CDK14: variants seen among roughly 807,000 people sequenced by gnomAD.
The protein encoded by CDK14 is cyclin-dependent kinase 14.
In CDK14, 34 loss-of-function variants were observed where a neutral mutation model predicts 60.7. The observed-to-expected ratio is 0.56, with a 90% CI of 0.43 to 0.75. CDK14 has a LOEUF of 0.75. Among genes scored for constraint, CDK14 ranks in the 30% least tolerant of loss-of-function variants. The pLI, the probability that CDK14 is intolerant of heterozygous loss-of-function variation, is 0.00. For synonymous variants in CDK14, 197 were observed against 203.7 expected, an observed-to-expected ratio of 0.97 and a Z score of 0.28; for missense variants, 482 against 564.1, an observed-to-expected ratio of 0.85 and a Z score of 1.47.
intron 3 of CDK14, among the ~76,000 whole-genome samples, chr7:90,737,091 G>A (rs1803149008): frequency 6.6e-6 from 1 of 152,278 alleles, no homozygotes; most frequent in African/African-American, 2.4e-5. Flanking sequence ...TAGTTCCTGT[G>A]TGGTGTTTAA....
At chr7:90,935,738 C>T (rs778356273) in intron 8 of CDK14, among the ~76,000 whole-genome samples, 30 of 152,032 alleles carry the variant, frequency 2.0e-4, no homozygotes, top group Non-Finnish European at 2.5e-4. Context: ...TTAAAATAGA[C>T]GTCACAGATA....
At chr7:90,872,408 G>A (rs779916130) in intron 6 of CDK14, among the ~76,000 whole-genome samples, 28 of 152,168 alleles carry the variant, frequency 1.8e-4, no homozygotes, top group Non-Finnish European at 3.8e-4. Context: ...ATGACTGAAT[G>A]TGCAGGCAGT....
intron 4 of CDK14, among the ~76,000 whole-genome samples, chr7:90,765,445 G>C (rs2116873933): frequency 6.6e-6 from 1 of 152,192 alleles, no homozygotes; most frequent in Non-Finnish European, 1.5e-5. Flanking sequence ...GAGAAGTGAA[G>C]AACAGAGGAG....
intron 9 of CDK14, among the ~76,000 whole-genome samples, chr7:90,971,295 A>G (rs887455799): frequency 1.3e-5 from 2 of 152,158 alleles, no homozygotes; most frequent in African/African-American, 4.8e-5. Flanking sequence ...GTGATGAGCC[A>G]TAACACAGGT....
At chr7:91,099,294 A>G (rs1346069903) in intron 12 of CDK14, among the ~76,000 whole-genome samples, 2 of 152,108 alleles carry the variant, frequency 1.3e-5, no homozygotes, top group Admixed American at 6.5e-5. Flanking sequence ...TTTATAACCA[A>G]TCTCTCTGAA....
In CDK14 at chr7:91,184,282, CA is replaced by C. The variant is rs111896079; in HGVS notation, c.*29-22871del. ...CCTGGGTGACAGAGTGAGATCCTCT[CA>C]AAAAAAAAAAAGAACTCCTTAAGAA... On this transcript the variant is annotated intron_variant, in intron 14 of 14. Transcript: ENST00000380050. 6.7e-3 allele frequency among the ~76,000 whole-genome samples: 806 copies of C among 119,492 alleles called. 4 individuals carry two copies. Among genetic ancestry groups the C allele is most frequent in the African/African-American group, 0.018 (586 of 32,084 alleles). 78.4% of individuals were successfully genotyped at this position (119,492 alleles called of 152,430 possible). A position where few individuals can be genotyped will look rare whatever the true frequency, so the allele number is the denominator to read the frequency against.
At chr7:90,751,266 TAGAA>T (rs1252413452) in intron 4 of CDK14, among the ~76,000 whole-genome samples, 3 of 151,876 alleles carry the variant, frequency 2.0e-5, no homozygotes, top group African/African-American at 4.8e-5. Flanking sequence ...GAAAAAATGT[TAGAA>T]AGAAAAAAGC....
At chr7:90,692,318 C>G (rs1377760253) in intron 2 of CDK14, among the ~76,000 whole-genome samples, 1 of 152,078 alleles carries the variant, frequency 6.6e-6, no homozygotes, top group East Asian at 1.9e-4. Flanking sequence ...ATTCCAAGGA[C>G]TTATTTTTCA....
intron 5 of CDK14, among the ~76,000 whole-genome samples, chr7:90,830,206 T>G (rs1789870311): frequency 6.6e-6 from 1 of 152,188 alleles, no homozygotes; most frequent in African/African-American, 2.4e-5. Flanking sequence ...TGCCTGGACA[T>G]TCAGGCATTT....
intron 8 of CDK14, among the ~76,000 whole-genome samples, chr7:90,922,685 T>A (rs1272216524): frequency 6.6e-6 from 1 of 152,240 alleles, no homozygotes. Flanking sequence ...TCTTGTTTAA[T>A]ATCCTGCTCA....
chr7:90,725,375 A>G (rs1240652605), intron 2 of CDK14, among the ~76,000 whole-genome samples: 1 of 152,156 alleles, frequency 6.6e-6, no homozygotes, highest in Non-Finnish European at 1.5e-5. Flanking sequence ...CTGTATTTAT[A>G]TCTGTATCTG....
chr7:91,187,416 T>C (rs2115918302), intron 14 of CDK14, among the ~76,000 whole-genome samples: 1 of 152,370 alleles, frequency 6.6e-6, no homozygotes, highest in African/African-American at 2.4e-5. Context: ...CCCATAATTA[T>C]CTTCCTTTTT....
intron 14 of CDK14, among the ~76,000 whole-genome samples, chr7:91,147,108 C>T (rs1296426631): frequency 1.3e-5 from 2 of 150,836 alleles, no homozygotes; most frequent in African/African-American, 4.9e-5. Context: ...TTTCAGGGTT[C>T]CAACAGCCCC....
chr7:90,624,005 T>A (rs947811106), intron 2 of CDK14, among the ~76,000 whole-genome samples: 2 of 152,228 alleles, frequency 1.3e-5, no homozygotes, highest in Non-Finnish European at 2.9e-5. Context: ...ACATATTTTG[T>A]AGGGCTTCAT....
intron 2 of CDK14, among the ~76,000 whole-genome samples, chr7:90,609,008 A>G (rs971240767): frequency 6.6e-6 from 1 of 152,112 alleles, no homozygotes; most frequent in Non-Finnish European, 1.5e-5. Context: ...ATAATACCAG[A>G]GATAATAAAG....
At chr7:91,172,698 C>T (rs1329673806) in intron 14 of CDK14, among the ~76,000 whole-genome samples, 1 of 152,198 alleles carries the variant, frequency 6.6e-6, no homozygotes, top group Non-Finnish European at 1.5e-5. Flanking sequence ...GAACATGCCT[C>T]ACTCTCCTGT....
At chr7:90,870,874 C>T (rs1791349496) in intron 6 of CDK14, among the ~76,000 whole-genome samples, 1 of 152,110 alleles carries the variant, frequency 6.6e-6, no homozygotes. Context: ...GATCTTCATT[C>T]TCTTTGTTAT....
intron 14 of CDK14, among the ~76,000 whole-genome samples, chr7:91,148,737 C>T (rs1269103966): frequency 1.3e-5 from 2 of 152,110 alleles, no homozygotes; most frequent in Middle Eastern, 3.2e-3. Context: ...ATAAATAGGC[C>T]GCTGGTGGGA....
At chr7:91,055,174 A>G (rs964286264) in intron 11 of CDK14, among the ~76,000 whole-genome samples, 1 of 152,214 alleles carries the variant, frequency 6.6e-6, no homozygotes, top group Non-Finnish European at 1.5e-5. Context: ...TCATAGGTCC[A>G]TAGCTGACCA....
Sources: allele counts gnomAD v4.1 joint callset (sites outside exome capture counted in the v4.1 genomes callset), GRCh38; gene constraint gnomAD v4.1.1; transcripts MANE v1.5; gene names NCBI Gene and HGNC (gene_info 2026-07-23, HGNC 2026-07-21).